Variants in LRMDA observed in about 807,000 individuals in gnomAD.
LRMDA encodes leucine rich melanocyte differentiation associated.
Under a neutral mutation model 29.8 loss-of-function variants are expected in LRMDA, and 18 were observed. The ratio of observed to expected loss-of-function variants is 0.60; its 90% CI spans 0.42 to 0.90. The LOEUF is 0.90. Among genes scored for constraint, LRMDA ranks in the 40% least tolerant of loss-of-function variants. The pLI, the probability that LRMDA is intolerant of heterozygous loss-of-function variation, is 0.00. For missense variants in LRMDA, 273 were observed against 273.9 expected, an observed-to-expected ratio of 1.00 and a Z score of 0.02; for synonymous variants, 125 against 109.4, an observed-to-expected ratio of 1.14 and a Z score of -0.89.
At chr10:76,551,768 A>G (rs969158766) in intron 6 of LRMDA, among the ~76,000 whole-genome samples, 1 of 152,196 alleles carries the variant, frequency 6.6e-6, no homozygotes, top group African/African-American at 2.4e-5. Flanking sequence ...ATAGAGTCCC[A>G]TGGAAACATT....
intron 5 of LRMDA, among the ~76,000 whole-genome samples, chr10:76,083,321 G>A (rs570853884): frequency 1.3e-5 from 2 of 152,232 alleles, no homozygotes; most frequent in South Asian, 4.1e-4. Flanking sequence ...TGCTTACCTT[G>A]CCTGGCCCAT....
At chr10:75,501,063 A>C (rs1032534124) in intron 2 of LRMDA, among the ~76,000 whole-genome samples, 2 of 152,226 alleles carry the variant, frequency 1.3e-5, no homozygotes, top group African/African-American at 4.8e-5. Context: ...CATTTATGAC[A>C]TCTCTGAAGG....
At chr10:75,582,929 G>A (rs1451659075) in intron 2 of LRMDA, among the ~76,000 whole-genome samples, 6 of 152,076 alleles carry the variant, frequency 3.9e-5, no homozygotes, top group African/African-American at 7.2e-5. Flanking sequence ...AACATCCTTA[G>A]GGCAGGCTCT....
At chr10:75,495,750 C>G (rs1845037342) in intron 2 of LRMDA, among the ~76,000 whole-genome samples, 1 of 152,184 alleles carries the variant, frequency 6.6e-6, no homozygotes, top group South Asian at 2.1e-4. Context: ...CTCCTGTGAA[C>G]AGACTAACTT....
chr10:75,988,040 C>T (rs775347906), intron 2 of LRMDA, among the ~76,000 whole-genome samples: 7 of 152,152 alleles, frequency 4.6e-5, no homozygotes, highest in African/African-American at 1.7e-4. Context: ...AAAGCAGCTG[C>T]GATCACTAAT....
rs946733329 is a variant in LRMDA, at chr10:76,226,175, G to T, written c.517-98226G>T. Among the ~76,000 whole-genome samples, 16 of 152,070 alleles carry T rather than the reference G, an allele frequency of 1.1e-4. No homozygotes were observed. In the South Asian group the frequency reaches 1.3e-3, roughly 12 times the overall value. On this transcript the variant is annotated intron_variant, in intron 5 of 6. Transcript: ENST00000611255. ...AATTGACTCACAGTTCCAGAAGGCT[G>T]GGGAGACCTCAGGAAACTTACAGTC...
At chr10:75,471,628 T>C (rs940271478) in intron 2 of LRMDA, among the ~76,000 whole-genome samples, 1 of 152,242 alleles carries the variant, frequency 6.6e-6, no homozygotes, top group Non-Finnish European at 1.5e-5. Context: ...TTTCACTTAA[T>C]GTATCAAAAG....
intron 5 of LRMDA, among the ~76,000 whole-genome samples, chr10:76,234,967 T>C (rs1003940965): frequency 1.3e-5 from 2 of 152,236 alleles, no homozygotes; most frequent in African/African-American, 4.8e-5. Context: ...CAAGAACTTT[T>C]CCTTTGCATT....
intron 6 of LRMDA, among the ~76,000 whole-genome samples, chr10:76,422,963 C>T (rs1269533876): frequency 6.6e-6 from 1 of 152,234 alleles, no homozygotes; most frequent in South Asian, 2.1e-4. Context: ...CTCAATCCTG[C>T]CCACAAGTGG....
intron 5 of LRMDA, among the ~76,000 whole-genome samples, chr10:76,274,941 T>C (rs1321325094): frequency 6.6e-6 from 1 of 152,162 alleles, no homozygotes; most frequent in Non-Finnish European, 1.5e-5. Flanking sequence ...ATGCTTTCCA[T>C]AGTTGTTTAG....
At chr10:76,368,332 AT>A (rs1841415698) in intron 6 of LRMDA, among the ~76,000 whole-genome samples, 1 of 151,980 alleles carries the variant, frequency 6.6e-6, no homozygotes, top group African/African-American at 2.4e-5. Flanking sequence ...CATTTTTTTA[AT>A]TTCCATTTTG....
At chr10:75,829,296 A>T (rs1487196617) in intron 2 of LRMDA, among the ~76,000 whole-genome samples, 2 of 152,160 alleles carry the variant, frequency 1.3e-5, no homozygotes, top group African/African-American at 4.8e-5. Context: ...ACCCAAGGCC[A>T]GCCCAACAGT....
At position 76,468,110 on chromosome 10, in the gene LRMDA, G is replaced by A. The variant is rs548100779; in HGVS notation, c.602-89099G>A. Among the ~76,000 whole-genome samples, 9 of 150,134 alleles carry A rather than the reference G, an allele frequency of 6.0e-5. No homozygotes were observed. In the South Asian group the frequency reaches 1.7e-3, roughly 28 times the overall value. On this transcript the variant is annotated intron_variant, in intron 6 of 6. Coordinates refer to ENST00000611255, the MANE Select transcript of LRMDA (RefSeq NM_001305581.2). Reference sequence around the variant, plus strand: ...GATAGGTCACAAGGGAAGTGTAGCAGCAGGATTAAATCGCTGTAGACTGTA... The same window carrying A: ...GATAGGTCACAAGGGAAGTGTAGCAACAGGATTAAATCGCTGTAGACTGTA...
chr10:75,598,315 G>A lies in LRMDA; in HGVS notation c.131+159821G>A, dbSNP rs528747355. 5.5e-4 allele frequency among the ~76,000 whole-genome samples: 84 copies of A among 152,210 alleles called. 2 individuals carry two copies. The highest frequency in any genetic ancestry group is 3.0e-3 in the Admixed American group (46 of 15,280). On this transcript the variant is annotated intron_variant, in intron 2 of 6. Coordinates refer to ENST00000611255, the MANE Select transcript of LRMDA (RefSeq NM_001305581.2). Reference sequence around the variant, plus strand: ...CAGCGTGAAAGGAAGCTGTGTGCTCGTCTCTCCCTGGGCTATGGCTCGCTA... The same window carrying A: ...CAGCGTGAAAGGAAGCTGTGTGCTCATCTCTCCCTGGGCTATGGCTCGCTA...
At chr10:75,692,229 T>A (rs1186853030) in intron 2 of LRMDA, among the ~76,000 whole-genome samples, 2,825 of 134,130 alleles carry the variant, frequency 0.021, 132 homozygotes, top group African/African-American at 0.08. Context: ...AATATATATA[T>A]ATATATATAT....
At chr10:75,733,713 A>G (rs952158987) in intron 2 of LRMDA, among the ~76,000 whole-genome samples, 8 of 152,212 alleles carry the variant, frequency 5.3e-5, no homozygotes, top group Non-Finnish European at 7.3e-5. Flanking sequence ...CCCTCTCCTC[A>G]GGAGTTAGCA....
chr10:76,347,724 G>A (rs1253130135), intron 6 of LRMDA, among the ~76,000 whole-genome samples: 1 of 152,038 alleles, frequency 6.6e-6, no homozygotes, highest in Admixed American at 6.6e-5. Flanking sequence ...AAATGGACTG[G>A]TAATTTTGTT....
intron 5 of LRMDA, among the ~76,000 whole-genome samples, chr10:76,232,405 A>G (rs1327217400): frequency 3.3e-5 from 5 of 152,252 alleles, no homozygotes; most frequent in African/African-American, 9.6e-5. Flanking sequence ...ATCATATAAA[A>G]CAAAGGTGAA....
intron 2 of LRMDA, among the ~76,000 whole-genome samples, chr10:75,580,028 C>T (rs953789466): frequency 5.9e-5 from 9 of 152,200 alleles, no homozygotes; most frequent in Non-Finnish European, 1.2e-4. Flanking sequence ...AAGATGCCGT[C>T]TCTCACCACT....
Sources: allele counts gnomAD v4.1 joint callset (sites outside exome capture counted in the v4.1 genomes callset), GRCh38; gene constraint gnomAD v4.1.1; transcripts MANE v1.5; gene names NCBI Gene and HGNC (gene_info 2026-07-23, HGNC 2026-07-21).